Variants in PLXDC2 observed in about 807,000 individuals in gnomAD.
PLXDC2 encodes the protein plexin domain-containing protein 2.
A neutral mutation model predicts 68.9 loss-of-function variants in PLXDC2; 40 were observed. The observed-to-expected ratio is 0.58, with a 90% confidence interval of 0.45 to 0.76. The LOEUF (loss-of-function observed/expected upper bound fraction) is 0.76, where lower values mean the gene tolerates loss of function less well. PLXDC2 is among the 30% of genes least tolerant of loss of function. The pLI, the probability that PLXDC2 is intolerant of heterozygous loss-of-function variation, is 0.00. For synonymous variants in PLXDC2, 243 were observed against 234.2 expected (o/e 1.04, Z -0.34); for missense variants, 644 against 661.9 (o/e 0.97, Z 0.30).
intron 5 of PLXDC2, among the ~76,000 whole-genome samples, chr10:20,146,488 T>TTTCCCTCC (rs1834081496): frequency 2.5e-5 from 2 of 81,338 alleles, no homozygotes; most frequent in Non-Finnish European, 4.8e-5. Context: ...TTCTTTTCTT[T>TTTCCCTCC]TTCCTTCCTT....
chr10:20,066,942 T>C (rs10827952), intron 3 of PLXDC2, among the ~76,000 whole-genome samples: 16,054 of 152,228 alleles, frequency 0.11, 985 homozygotes, highest in South Asian at 0.29. Flanking sequence ...AACCAGCTAA[T>C]TACTTTCCTT....
chr10:19,983,582 C>T (rs1298494828), intron 1 of PLXDC2, among the ~76,000 whole-genome samples: 4 of 152,138 alleles, frequency 2.6e-5, no homozygotes, highest in African/African-American at 9.7e-5. Flanking sequence ...TAGGTAACTC[C>T]AAAGAAACTA....
intron 12 of PLXDC2, among the ~76,000 whole-genome samples, chr10:20,225,872 A>G (rs1206508714): frequency 2.0e-5 from 3 of 152,190 alleles, no homozygotes; most frequent in East Asian, 1.9e-4. Context: ...GTCTGATTCA[A>G]TGCATAAATA....
intron 13 of PLXDC2, among the ~76,000 whole-genome samples, chr10:20,250,204 G>A (rs965765547): frequency 6.8e-6 from 1 of 147,928 alleles, no homozygotes; most frequent in Non-Finnish European, 1.5e-5. Flanking sequence ...GGAGGTGGAG[G>A]TTGTAGTGAG....
At chr10:20,241,470 C>A (rs1212702220) in intron 12 of PLXDC2, among the ~76,000 whole-genome samples, 2 of 152,200 alleles carry the variant, frequency 1.3e-5, no homozygotes, top group African/African-American at 4.8e-5. Flanking sequence ...AATCTTCCCT[C>A]TCCATTCCTG....
intron 1 of PLXDC2, among the ~76,000 whole-genome samples, chr10:19,992,999 G>A (rs1225305849): frequency 2.6e-5 from 4 of 152,086 alleles, no homozygotes; most frequent in Non-Finnish European, 2.9e-5. Flanking sequence ...CTCACGACTC[G>A]GCTCTGGCTG....
intron 2 of PLXDC2, among the ~76,000 whole-genome samples, chr10:20,016,403 G>A (rs981672299): frequency 2.6e-5 from 4 of 152,226 alleles, no homozygotes; most frequent in Non-Finnish European, 5.9e-5. Context: ...GCTAACAAAA[G>A]TCTGACATTT....
chr10:19,839,696 C>T (rs954535778), intron 1 of PLXDC2, among the ~76,000 whole-genome samples: 1 of 150,796 alleles, frequency 6.6e-6, no homozygotes, highest in Non-Finnish European at 1.5e-5. Context: ...TGATCTGGGG[C>T]GTTCACCAAT....
chr10:20,038,616 TTGTC>T (rs1263860437), intron 2 of PLXDC2, among the ~76,000 whole-genome samples: 5 of 152,338 alleles, frequency 3.3e-5, no homozygotes, highest in Non-Finnish European at 7.3e-5. Flanking sequence ...CATGCTGAAA[TTGTC>T]TGGGCTTGAT....
chr10:20,251,942 G>A (rs966301423), intron 13 of PLXDC2, among the ~76,000 whole-genome samples: 1 of 140,258 alleles, frequency 7.1e-6, no homozygotes, highest in African/African-American at 2.7e-5. Context: ...AATATTGGAG[G>A]GTTAAAAAAA....
intron 1 of PLXDC2, among the ~76,000 whole-genome samples, chr10:19,996,698 G>A (rs774496609): frequency 4.6e-5 from 7 of 152,238 alleles, no homozygotes; most frequent in Middle Eastern, 3.4e-3. Context: ...AAAGACATAC[G>A]TGAAACTGGG....
In PLXDC2 at chr10:20,046,976, G is replaced by T. The variant is rs1835809010; in HGVS notation, c.432G>T (p.Lys144Asn). The T allele has an allele frequency of 1.9e-6, 3 of 1,612,058 alleles. No individual in the cohort carries two copies. In the Admixed American group the frequency reaches 5.0e-5, roughly 27 times the overall value. The change falls in exon 3 of 14, where the codon AAG becomes AAT. Residue 144 changes from lysine (K) to asparagine (N), a missense_variant. Transcript: ENST00000377252. ...ACCAAATGGAAAAAGATAAAGTGAA[G>T]ATTCATGGAATATTGTCCAATACTC... Reference protein sequence around the residue: ...NIDQMEKDKVKIHGILSNTHR... With the variant: ...NIDQMEKDKVNIHGILSNTHR...
chr10:19,912,463 C>G (rs1318781990), intron 1 of PLXDC2, among the ~76,000 whole-genome samples: 1 of 152,048 alleles, frequency 6.6e-6, no homozygotes, highest in Non-Finnish European at 1.5e-5. Context: ...TATCAAACAT[C>G]TCTTATGTAG....
intron 3 of PLXDC2, among the ~76,000 whole-genome samples, chr10:20,052,708 G>A (rs1405944063): frequency 9.4e-5 from 12 of 127,388 alleles, no homozygotes; most frequent in Non-Finnish European, 1.6e-4. Flanking sequence ...TATATATTCC[G>A]TCAACAAATT....
intron 4 of PLXDC2, among the ~76,000 whole-genome samples, chr10:20,138,320 C>G (rs1376008723): frequency 2.0e-5 from 3 of 152,106 alleles, no homozygotes; most frequent in Non-Finnish European, 4.4e-5. Flanking sequence ...GCAATTTTAA[C>G]TTGTTTATGG....
chr10:20,289,132 A>C lies in PLXDC2; in HGVS notation c.*9313A>C, dbSNP rs150783202. 3.3e-4 allele frequency: 50 copies of C among 152,320 alleles called. No homozygotes were observed. The East Asian group carries it at 9.4e-3, about 29-fold the overall frequency. The allele number at this position is 152,320 out of a possible 1,614,324, so 9.4% of individuals were successfully genotyped here. On this transcript the variant is annotated 3_prime_UTR_variant, in exon 14 of 14. Transcript: ENST00000377252. Reference sequence around the variant, plus strand: ...AAAAGGTTCTACCCATTGTGGAAGAAATTCTGTGTGCAGAATTCAGAGGCA... The same window carrying C: ...AAAAGGTTCTACCCATTGTGGAAGACATTCTGTGTGCAGAATTCAGAGGCA...
At chr10:20,013,892 A>T (rs1409194907) in intron 2 of PLXDC2, among the ~76,000 whole-genome samples, 1 of 152,170 alleles carries the variant, frequency 6.6e-6, no homozygotes, top group Non-Finnish European at 1.5e-5. Flanking sequence ...AGAATAGAAG[A>T]GTGTCACATT....
intron 1 of PLXDC2, among the ~76,000 whole-genome samples, chr10:19,904,643 G>C (rs1364100009): frequency 6.6e-6 from 1 of 152,082 alleles, no homozygotes; most frequent in Non-Finnish European, 1.5e-5. Context: ...TCCTTCAAAG[G>C]GTCTGAGGAT....
chr10:20,165,122 C>T (rs1834356950), intron 7 of PLXDC2, among the ~76,000 whole-genome samples: 2 of 152,132 alleles, frequency 1.3e-5, no homozygotes, highest in African/African-American at 4.8e-5. Flanking sequence ...CATGCCCAGC[C>T]AGATTCTTTG....
Sources: allele counts gnomAD v4.1 joint callset (sites outside exome capture counted in the v4.1 genomes callset), GRCh38; gene constraint gnomAD v4.1.1; transcripts MANE v1.5; gene names NCBI Gene and HGNC (gene_info 2026-07-23, HGNC 2026-07-21).